C2orf81: variants seen among roughly 807,000 people sequenced by gnomAD.
The protein encoded by C2orf81 is chromosome 2 open reading frame 81.
A neutral mutation model predicts 7.9 loss-of-function variants in C2orf81; 5 were observed. That is an observed-to-expected ratio of 0.63 (90% confidence interval 0.33 to 1.33). The LOEUF (loss-of-function observed/expected upper bound fraction) is 1.33. Among genes scored for constraint, C2orf81 ranks in the 40% most tolerant of loss-of-function variants. The pLI is 0.05. For missense variants in C2orf81, 781 were observed against 830.4 expected (o/e 0.94, Z 0.73); for synonymous variants, 346 against 367.4 (o/e 0.94, Z 0.66).
intron 1 of C2orf81, among the ~76,000 whole-genome samples, chr2:74,420,772 C>CTTTTTTTTTTTTTTTTTTT (rs745827470): frequency 4.1e-5 from 3 of 72,678 alleles, no homozygotes; most frequent in African/African-American, 5.7e-5. Flanking sequence ...TCTTCTTCTT[C>CTTTTTTTTTTTTTTTTTTT]TTTTTTTTTT....
intron 1 of C2orf81, chr2:74,417,364 A>G (rs1558529315): frequency 2.3e-6 from 3 of 1,307,786 alleles, no homozygotes; most frequent in Non-Finnish European, 3.0e-6. Context: ...TAGCTGCCAC[A>G]GGGCTCATGG....
intron 1 of C2orf81, chr2:74,418,448 C>T: frequency 1.3e-6 from 2 of 1,524,690 alleles, no homozygotes; most frequent in Non-Finnish European, 1.8e-6. Context: ...CTCATCTTCC[C>T]TTCTCTAAGG....
intron 1 of C2orf81, among the ~76,000 whole-genome samples, chr2:74,420,384 TC>T (rs370638415): frequency 2.0e-5 from 3 of 152,118 alleles, no homozygotes; most frequent in African/African-American, 7.2e-5. Context: ...CACAACAGTC[TC>T]CCTGAACCTG....
intron 1 of C2orf81, chr2:74,418,165 T>C: frequency 9.3e-7 from 1 of 1,071,774 alleles, no homozygotes; most frequent in Non-Finnish European, 1.4e-6. Flanking sequence ...CTTCTCTTCC[T>C]CCTTCTCCAG....
At chr2:74,417,856 G>GC (rs1030203412) in intron 1 of C2orf81, 5 of 464,928 alleles carry the variant, frequency 1.1e-5, no homozygotes, top group African/African-American at 2.0e-5. Context: ...CAGGACATTA[G>GC]CCTTGTCCAG....
chr2:74,415,496 T>C lies in C2orf81; in HGVS notation c.681A>G (p.Thr227=), dbSNP rs1676429691. The change falls in exon 3 of 3, where the codon ACA becomes ACG. Residue 227 remains threonine, a synonymous_variant. Transcript: ENST00000684111. The surrounding 1 kb of genome is among the most constrained non-coding windows in gnomAD (Gnocchi z 5.5). ...GCCCTGCCTCCTGAAACAGCTCTGA[T>C]GTGGGAGGAGGGGCCGACGTGACTC... ...QLRVTSAPPP[T]SELFQEAGPG... 6.5e-7 allele frequency: 1 copy of C among 1,544,232 alleles called. No individual in the cohort carries two copies. Among genetic ancestry groups the C allele is most frequent in the Non-Finnish European group, 8.8e-7 (1 of 1,141,520 alleles).
intron 1 of C2orf81, chr2:74,417,441 G>C (rs971857491): frequency 7.6e-7 from 1 of 1,310,882 alleles, no homozygotes; most frequent in South Asian, 1.2e-5. Flanking sequence ...CCAGGCAGAC[G>C]GTAAGGGGGC....
At chr2:74,420,533 A>G (rs1335267950) in intron 1 of C2orf81, among the ~76,000 whole-genome samples, 1 of 152,148 alleles carries the variant, frequency 6.6e-6, no homozygotes, top group African/African-American at 2.4e-5. Flanking sequence ...GCAGAACTCA[A>G]AATCCCTGAA....
Position 74,415,333 on chromosome 2 carries a change from C to A in C2orf81, c.844G>T (p.Ala282Ser), listed in dbSNP as rs768790659. 7.9e-5 allele frequency: 121 copies of A among 1,536,008 alleles called. No homozygotes were observed. Among genetic ancestry groups the A allele is most frequent in the Non-Finnish European group, 9.3e-5 (106 of 1,137,968 alleles). ...ADPSLDPYLVASPQASTGRGH... is the reference protein window; with the variant it reads ...ADPSLDPYLVSSPQASTGRGH... ...CTCCCAGTTGAGGCCTGGGGGCTGG[C>A]TACCAGGTACGGATCCAGAGAAGGG... The change falls in exon 3 of 3, where the codon GCC becomes TCC. Residue 282 changes from alanine (A) to serine (S), a missense_variant. Physicochemically the swap from Ala to Ser is moderately conservative, Grantham distance 99 (BLOSUM62 1). Coordinates refer to ENST00000684111, the MANE Select transcript of C2orf81 (RefSeq NM_001316764.3). This position sits in a 1 kb window ranked among gnomAD's most constrained non-coding sequence, Gnocchi z 5.5.
At position 74,415,699 on chromosome 2, in the gene C2orf81, AGG is replaced by A; in HGVS notation, c.476_477del (p.Ser159PhefsTer89). 6.4e-7 allele frequency: 1 copy of A among 1,551,554 alleles called. No individual in the cohort carries two copies. Among genetic ancestry groups the A allele is most frequent in the East Asian group, 2.4e-5 (1 of 40,918 alleles). On this transcript the variant is annotated frameshift_variant, in exon 3 of 3. Transcript: ENST00000684111. LOFTEE classifies it low-confidence loss of function (END_TRUNC). The surrounding 1 kb of genome is among the most constrained non-coding windows in gnomAD (Gnocchi z 5.5). ...GLENFQGEVH[S>X]SGASPDSSAI... ...GCAGAGGAGTCCGGAGAGGCTCCTGAGGAGTGTACTTCGCCTTGGAAGTTCTC... is the reference window on the plus strand; with the variant it reads ...GCAGAGGAGTCCGGAGAGGCTCCTGAAGTGTACTTCGCCTTGGAAGTTCTC...
At position 74,415,261 on chromosome 2, in the gene C2orf81, A is replaced by C; in HGVS notation, c.916T>G (p.Cys306Gly). The C allele has an allele frequency of 6.4e-7, 1 of 1,551,246 alleles. No homozygotes were observed. Among genetic ancestry groups the C allele is most frequent in the Non-Finnish European group, 8.7e-7 (1 of 1,146,984 alleles). Residue 306 changes from cysteine (C) to glycine (G), a missense_variant, in exon 3 of 3, where the codon TGC (cysteine) becomes GGC (glycine). Cys to Gly is a radical substitution (Grantham distance 159). Coordinates refer to ENST00000684111, the MANE Select transcript of C2orf81 (RefSeq NM_001316764.3). This position sits in a 1 kb window ranked among gnomAD's most constrained non-coding sequence, Gnocchi z 5.5. ...FHLSLEDLYC[C>G]MPQLDAAGDR... ...CCAGCCGCGTCCAGTTGAGGCATGC[A>C]ACAGTAGAGGTCTTCCAACGACAAA...
intron 1 of C2orf81, among the ~76,000 whole-genome samples, chr2:74,420,462 T>G (rs949956970): frequency 6.6e-6 from 1 of 152,186 alleles, no homozygotes; most frequent in Non-Finnish European, 1.5e-5. Context: ...CGCTAAAACC[T>G]TGTCTCATAT....
At chr2:74,418,296 G>A (rs79749258) in intron 1 of C2orf81, 3 of 1,607,812 alleles carry the variant, frequency 1.9e-6, no homozygotes, top group Middle Eastern at 2.2e-4. Context: ...TTGGCACTTC[G>A]CTGAGCTCCT....
In C2orf81 at chr2:74,414,683, C is replaced by G; in HGVS notation, c.1494G>C (p.Trp498Cys). 1.3e-6 allele frequency: 2 copies of G among 1,546,332 alleles called. No individual in the cohort carries two copies. The highest frequency in any genetic ancestry group is 8.7e-7 in the Non-Finnish European group (1 of 1,143,616). ...DVARSRSPKL[W>C]PSVRWPSGWE... ...AACCGCTGGGCCACCTGACACTGGG[C>G]CACAGCTTGGGGCTGCGGCTGCGGG... The change falls in exon 3 of 3, where the codon TGG (tryptophan) becomes TGC (cysteine). Residue 498 changes from tryptophan to cysteine, a missense_variant. Transcript: ENST00000684111. This position sits in a 1 kb window ranked among gnomAD's most constrained non-coding sequence, Gnocchi z 5.3.
At chr2:74,421,433 G>A (rs1676610706) in intron 1 of C2orf81, 110 bp downstream of exon 1, 1 of 269,488 alleles carries the variant, frequency 3.7e-6, no homozygotes. Context: ...CGCGCGGTGG[G>A]CGGGAGCAAG....
intron 1 of C2orf81, among the ~76,000 whole-genome samples, chr2:74,420,674 C>G (rs1302564125): frequency 6.6e-6 from 1 of 152,032 alleles, no homozygotes; most frequent in Non-Finnish European, 1.5e-5. Context: ...CTTAGACCTC[C>G]CCTCCCAGCC....
Position 74,418,163 on chromosome 2 carries a change from C to T in C2orf81, c.19-1922G>A. 6.8e-6 allele frequency: 7 copies of T among 1,035,986 alleles called. No homozygotes were observed. The South Asian group carries it at 9.4e-5, about 14-fold the overall frequency. The allele number at this position is 1,035,986 out of a possible 1,614,324, so 64.2% of individuals were successfully genotyped here. ...GACTCCTGCGAGATGCCCTTCTCTT[C>T]CTCCTTCTCCAGTTTTTTGGGTCTT... On this transcript the variant is annotated intron_variant, in intron 1 of 2. Coordinates refer to ENST00000684111, the MANE Select transcript of C2orf81 (RefSeq NM_001316764.3).
chr2:74,418,261 G>A (rs1440576311), intron 1 of C2orf81: 3 of 1,601,832 alleles, frequency 1.9e-6, no homozygotes, highest in South Asian at 1.1e-5. Context: ...GCTTCCCTTT[G>A]GTCGGCCCCG....
intron 1 of C2orf81, chr2:74,417,407 A>G (rs769701633): frequency 1.3e-5 from 17 of 1,309,570 alleles, no homozygotes; most frequent in Non-Finnish European, 1.7e-5. Flanking sequence ...CTGCATCTCC[A>G]TCACTGCAAT....
Sources: allele counts gnomAD v4.1 joint callset (sites outside exome capture counted in the v4.1 genomes callset), GRCh38; gene constraint gnomAD v4.1.1; non-coding constraint Gnocchi (gnomAD v3.1); transcripts MANE v1.5; gene names NCBI Gene and HGNC (gene_info 2026-07-23, HGNC 2026-07-21).